The following KIAA0319L variants were observed in gnomAD, a reference collection of about 807,000 sequenced individuals.
KIAA0319L encodes the protein KIAA0319 like.
A neutral mutation model predicts 120.1 loss-of-function variants in KIAA0319L; 55 were observed. The ratio of observed to expected loss-of-function variants is 0.46; its 90% confidence interval spans 0.37 to 0.57. KIAA0319L has a LOEUF of 0.57. Ranked by LOEUF, KIAA0319L falls within the 20% of genes least tolerant of loss-of-function variation. The pLI is 0.00. For synonymous variants in KIAA0319L, 398 were observed against 471.9 expected (o/e 0.84, Z 2.03); for missense variants, 1,049 against 1,255.3 (o/e 0.84, Z 2.48).
At chr1:35,471,777 A>G (rs188881184) in intron 5 of KIAA0319L, among the ~76,000 whole-genome samples, 25 of 152,358 alleles carry the variant, frequency 1.6e-4, no homozygotes, top group Admixed American at 7.8e-4. Context: ...CACTTAGCAG[A>G]GAGTGGTCAT....
At chr1:35,466,730 C>A (rs1259122209) in intron 6 of KIAA0319L, 35 bp from the exon 7 acceptor site, 2 of 1,363,272 alleles carry the variant, frequency 1.5e-6, no homozygotes, top group African/African-American at 2.9e-5. Context: ...TAGACAATCA[C>A]AAAGAGCAGG....
chr1:35,446,389 T>A lies in KIAA0319L; in HGVS notation c.2513+1784A>T, dbSNP rs939307594. On this transcript the variant is annotated intron_variant, in intron 16 of 20. Coordinates refer to ENST00000325722, the MANE Select transcript of KIAA0319L (RefSeq NM_024874.5). The stretch of plus-strand genomic sequence containing the variant: ...CCACAAGGACCACAATGAAAAAAAA[T>A]TTTTAAAGATATTCTTTCAATCCTA... 5.9e-5 allele frequency among the ~76,000 whole-genome samples: 9 copies of A among 152,272 alleles called. No homozygotes were observed. The East Asian group carries it at 9.6e-4, about 16-fold the overall frequency.
intron 3 of KIAA0319L, among the ~76,000 whole-genome samples, chr1:35,486,855 A>C (rs1644408380): frequency 6.6e-6 from 1 of 152,090 alleles, no homozygotes; most frequent in Non-Finnish European, 1.5e-5. Flanking sequence ...AGGCTGCAGT[A>C]AGCCAAGATA....
chr1:35,504,248 G>A (rs1471322949), intron 3 of KIAA0319L, among the ~76,000 whole-genome samples: 4 of 151,592 alleles, frequency 2.6e-5, no homozygotes, highest in Non-Finnish European at 5.9e-5. Context: ...CCAGGCTGGA[G>A]TGCAGTGGCG....
At position 35,495,636 on chromosome 1, in the gene KIAA0319L, T is replaced by C. The variant is rs1196305648; in HGVS notation, c.666+10976A>G. Among the ~76,000 whole-genome samples the C allele has an allele frequency of 2.6e-5, 4 of 151,950 alleles. No individual in the cohort carries two copies. In the East Asian group the frequency reaches 7.7e-4, roughly 29 times the overall value. ...GAAAATAACACAGTTTTTTTGTTTGTTTGGTTTTGTTTGTTTGTTTGTTGT... is the reference window on the plus strand; with the variant it reads ...GAAAATAACACAGTTTTTTTGTTTGCTTGGTTTTGTTTGTTTGTTTGTTGT... On this transcript the variant is annotated intron_variant, in intron 3 of 20. Coordinates refer to ENST00000325722, the MANE Select transcript of KIAA0319L (RefSeq NM_024874.5).
At chr1:35,473,895 G>A (rs1002902793) in intron 5 of KIAA0319L, among the ~76,000 whole-genome samples, 8 of 152,128 alleles carry the variant, frequency 5.3e-5, no homozygotes, top group African/African-American at 1.9e-4. Flanking sequence ...ATCAAAGTAT[G>A]TACCACTCAA....
Position 35,473,300 on chromosome 1 carries a change from G to A in KIAA0319L, c.1015+1505C>T, listed in dbSNP as rs555277622. ...TTTGGTAGAGATGGGGTTTCGCCAC[G>A]TTGGCCAGGCTGGTCTTGAACTCCT... On this transcript the variant is annotated intron_variant, in intron 5 of 20. Coordinates refer to ENST00000325722, the MANE Select transcript of KIAA0319L (RefSeq NM_024874.5). 8.6e-5 allele frequency among the ~76,000 whole-genome samples: 13 copies of A among 151,480 alleles called. No homozygotes were observed. In the East Asian group the frequency reaches 1.9e-3, roughly 23 times the overall value.
intron 2 of KIAA0319L, among the ~76,000 whole-genome samples, chr1:35,538,328 C>A (rs1646660099): frequency 1.3e-5 from 2 of 152,006 alleles, no homozygotes; most frequent in South Asian, 4.1e-4. Context: ...CAGTGGCTCA[C>A]GCCTATAATT....
chr1:35,481,603 AC>A (rs547671841), intron 3 of KIAA0319L, among the ~76,000 whole-genome samples: 1 of 151,748 alleles, frequency 6.6e-6, no homozygotes. Context: ...CCAAATTTTT[AC>A]CCCCCCTTTT....
In KIAA0319L at chr1:35,433,590, A is replaced by G. The variant is rs1640570083; in HGVS notation, c.*1304T>C. The G allele has an allele frequency of 6.6e-6, 1 of 152,336 alleles. No individual in the cohort carries two copies. Among genetic ancestry groups the G allele is most frequent in the South Asian group, 2.1e-4 (1 of 4,836 alleles). 9.4% of individuals were successfully genotyped at this position (152,336 alleles called of 1,614,324 possible). Reference sequence around the variant, plus strand: ...AAAAAGTCACTCCCCCAAAGTTTCCATTCCCCAATACCCAGATAACCATGG... The same window carrying G: ...AAAAAGTCACTCCCCCAAAGTTTCCGTTCCCCAATACCCAGATAACCATGG... On this transcript the variant is annotated 3_prime_UTR_variant, in exon 21 of 21. Transcript: ENST00000325722.
chr1:35,516,062 G>A (rs537963423), intron 2 of KIAA0319L, among the ~76,000 whole-genome samples: 5 of 151,970 alleles, frequency 3.3e-5, no homozygotes, highest in Admixed American at 6.6e-5. Flanking sequence ...GTAATAAATA[G>A]CCTACCAACC....
At chr1:35,542,454 C>G (rs1646829921) in intron 2 of KIAA0319L, among the ~76,000 whole-genome samples, 1 of 152,198 alleles carries the variant, frequency 6.6e-6, no homozygotes, top group Non-Finnish European at 1.5e-5. Flanking sequence ...CTTACAACCT[C>G]TCTCTGGAAC....
intron 12 of KIAA0319L, among the ~76,000 whole-genome samples, chr1:35,452,708 A>G (rs1395396700): frequency 1.3e-5 from 2 of 152,238 alleles, no homozygotes; most frequent in African/African-American, 4.8e-5. Flanking sequence ...ATGTTCTACA[A>G]AAGATAAAAA....
At chr1:35,474,286 T>C (rs1570733552) in intron 5 of KIAA0319L, among the ~76,000 whole-genome samples, 1 of 152,190 alleles carries the variant, frequency 6.6e-6, no homozygotes, top group East Asian at 1.9e-4. Context: ...TCTGTGTGAA[T>C]CTAAGTAAAT....
rs755340417 is a variant in KIAA0319L, at chr1:35,479,001, T to TG, written c.877dup (p.Gln293ProfsTer31). 1 of 1,614,056 alleles carries TG rather than the reference T, an allele frequency of 6.2e-7. No homozygotes were observed. The highest frequency in any genetic ancestry group is 8.5e-7 in the Non-Finnish European group (1 of 1,179,960). On this transcript the variant is annotated frameshift_variant, in exon 4 of 21. Coordinates refer to ENST00000325722, the MANE Select transcript of KIAA0319L (RefSeq NM_024874.5). LOFTEE classifies it high-confidence loss of function. ...TGCTGAGGTGCTCTGGAAAGAGGCC[T>TG]GGGGGGTAGGGGTAGCATAACTGTA...
intron 4 of KIAA0319L, among the ~76,000 whole-genome samples, chr1:35,477,469 C>A (rs1164295922): frequency 6.6e-6 from 1 of 152,072 alleles, no homozygotes; most frequent in Non-Finnish European, 1.5e-5. Context: ...AGATCGAGAC[C>A]ATCCTGGCTA....
At position 35,461,296 on chromosome 1, in the gene KIAA0319L, G is replaced by A. The variant is rs147399018; in HGVS notation, c.1295-859C>T. Among the ~76,000 whole-genome samples the A allele has an allele frequency of 2.4e-3, 368 of 152,102 alleles. 2 individuals carry two copies. The highest frequency in any genetic ancestry group is 7.8e-3 in the African/African-American group (325 of 41,494). The stretch of plus-strand genomic sequence containing the variant: ...AGCCTGACCAACATGGACAAACCCC[G>A]TCTCTATTAAAAATACAAAATTAGC... On this transcript the variant is annotated intron_variant, in intron 8 of 20. Coordinates refer to ENST00000325722, the MANE Select transcript of KIAA0319L (RefSeq NM_024874.5).
At chr1:35,550,115 T>C (rs1042716955) in intron 2 of KIAA0319L, among the ~76,000 whole-genome samples, 2 of 152,208 alleles carry the variant, frequency 1.3e-5, no homozygotes, top group African/African-American at 4.8e-5. Context: ...CCATCTTTTA[T>C]CAAATTGTAA....
intron 5 of KIAA0319L, among the ~76,000 whole-genome samples, chr1:35,472,343 G>A (rs1643675553): frequency 6.6e-6 from 1 of 152,212 alleles, no homozygotes; most frequent in Admixed American, 6.5e-5. Context: ...CCAGGCTGGA[G>A]TGCAGTGGTG....
Sources: gnomAD v4.1 joint callset for allele counts (sites outside exome capture counted in the v4.1 genomes callset) on GRCh38, gnomAD v4.1.1 for gene constraint, MANE v1.5 for transcripts, NCBI Gene and HGNC (gene_info 2026-07-23, HGNC 2026-07-21) for gene names.